DIP2C: variants seen among roughly 807,000 people sequenced by gnomAD.
The protein encoded by DIP2C is disco-interacting protein 2 homolog C.
In DIP2C, 33 loss-of-function variants were observed where a neutral mutation model predicts 192.4. The observed-to-expected ratio is 0.17, with a 90% CI of 0.13 to 0.23. The LOEUF (loss-of-function observed/expected upper bound fraction) is 0.23. Among genes scored for constraint, DIP2C ranks in the 10% least tolerant of loss-of-function variants. The pLI is 1.00. For synonymous variants in DIP2C, 979 were observed against 864.1 expected (o/e 1.13, Z -2.33); for missense variants, 1,537 against 2,110.1 (o/e 0.73, Z 5.32).
intron 4 of DIP2C, 89 bp from the exon 5 acceptor site, chr10:423,122 C>CTGAA: frequency 1.6e-6 from 2 of 1,253,084 alleles, no homozygotes; most frequent in South Asian, 3.0e-5. Flanking sequence ...ATTTACTTCA[C>CTGAA]GTAAGTCTCA....
At chr10:329,644 G>A (rs758207863) in intron 29 of DIP2C, 43 bp from the exon 30 acceptor site, 2 of 435,342 alleles carry the variant, frequency 4.6e-6, no homozygotes, top group South Asian at 6.0e-5. Context: ...GCTCAGCAAG[G>A]CTGGAGCTCA....
intron 25 of DIP2C, 145 bp downstream of exon 25, chr10:349,186 G>A (rs890361629): frequency 4.3e-5 from 51 of 1,189,754 alleles, no homozygotes; most frequent in African/African-American, 1.5e-5. Flanking sequence ...ACACAAACGG[G>A]CTGGTTAGCA....
At chr10:603,104 T>C (rs1240428962) in intron 1 of DIP2C, among the ~76,000 whole-genome samples, 1 of 152,036 alleles carries the variant, frequency 6.6e-6, no homozygotes, top group African/African-American at 2.4e-5. Flanking sequence ...TTATCATATG[T>C]AAGTTCTGGC....
chr10:554,262 T>C (rs563994170), intron 1 of DIP2C, among the ~76,000 whole-genome samples: 2 of 152,106 alleles, frequency 1.3e-5, no homozygotes, highest in African/African-American at 4.8e-5. Context: ...AGAAAAAGTA[T>C]ATGCTTGTAA....
intron 1 of DIP2C, among the ~76,000 whole-genome samples, chr10:505,591 CAGG>C (rs1168328361): frequency 6.6e-6 from 1 of 151,854 alleles, no homozygotes; most frequent in Non-Finnish European, 1.5e-5. Context: ...CCTGACCCCA[CAGG>C]AGATGGGGAC....
chr10:626,107 A>G (rs59939816), intron 1 of DIP2C, among the ~76,000 whole-genome samples: 19,922 of 152,272 alleles, frequency 0.13, 2,132 homozygotes, highest in African/African-American at 0.29. Flanking sequence ...CACTTCGTCC[A>G]TGGACCACGA....
chr10:546,310 TAA>T (rs1459851147), intron 1 of DIP2C, among the ~76,000 whole-genome samples: 1 of 151,836 alleles, frequency 6.6e-6, no homozygotes, highest in Non-Finnish European at 1.5e-5. Flanking sequence ...AAATTTATTT[TAA>T]AATAATAAAG....
chr10:392,565 C>CT (rs1963555856), intron 10 of DIP2C, among the ~76,000 whole-genome samples: 1 of 152,146 alleles, frequency 6.6e-6, no homozygotes, highest in African/African-American at 2.4e-5. Context: ...TGTAGAGTGC[C>CT]CCCCGCGGCC....
At chr10:339,100 C>T (rs1045688529) in intron 29 of DIP2C, among the ~76,000 whole-genome samples, 19 of 152,036 alleles carry the variant, frequency 1.2e-4, no homozygotes, top group African/African-American at 2.7e-4. Context: ...GAGGTCGAGG[C>T]GTCCTCAAAT....
chr10:294,484 G>A (rs187593729), intron 32 of DIP2C, among the ~76,000 whole-genome samples: 74 of 151,894 alleles, frequency 4.9e-4, no homozygotes, highest in African/African-American at 1.7e-3. Flanking sequence ...GTGTGTACCC[G>A]CAGTCCCAAC....
intron 2 of DIP2C, among the ~76,000 whole-genome samples, chr10:479,149 A>G (rs1011441030): frequency 6.6e-6 from 1 of 152,144 alleles, no homozygotes; most frequent in Non-Finnish European, 1.5e-5. Context: ...CACATCGTAA[A>G]ACTTTCTAAA....
In DIP2C at chr10:669,995, T is replaced by G. The variant is rs187977906; in HGVS notation, c.85+19499A>C. On this transcript the variant is annotated intron_variant, in intron 1 of 36. Coordinates refer to ENST00000280886, the MANE Select transcript of DIP2C (RefSeq NM_014974.3). The stretch of plus-strand genomic sequence containing the variant: ...TTTATTAATGATGAGCTACCCATTT[T>G]CTGACTGAGGAAACGGAAAGTTGTC... Among the ~76,000 whole-genome samples, 6 of 152,348 alleles carry G rather than the reference T, an allele frequency of 3.9e-5. No individual in the cohort carries two copies. The East Asian group carries it at 1.2e-3, about 29-fold the overall frequency.
At chr10:670,257 T>C (rs1305671403) in intron 1 of DIP2C, among the ~76,000 whole-genome samples, 1 of 151,686 alleles carries the variant, frequency 6.6e-6, no homozygotes, top group Non-Finnish European at 1.5e-5. Flanking sequence ...CACACGTACA[T>C]GCACATACAC....
chr10:334,296 G>GA, intron 29 of DIP2C, among the ~76,000 whole-genome samples: 1 of 80,040 alleles, frequency 1.2e-5, no homozygotes, highest in Admixed American at 2.2e-4. Flanking sequence ...GACAGAGCAA[G>GA]ACTGTCTCAA....
At chr10:310,631 G>A (rs1176520831) in intron 31 of DIP2C, among the ~76,000 whole-genome samples, 1 of 152,236 alleles carries the variant, frequency 6.6e-6, no homozygotes, top group East Asian at 1.9e-4. Flanking sequence ...CCAAGACACA[G>A]GTCAGGGAAG....
At chr10:351,132 G>A (rs1001335331) in intron 24 of DIP2C, among the ~76,000 whole-genome samples, 5 of 152,214 alleles carry the variant, frequency 3.3e-5, no homozygotes, top group Non-Finnish European at 5.9e-5. Flanking sequence ...GGCGCAGGGA[G>A]AGAGGCCCAG....
At chr10:629,540 C>T (rs1014101971) in intron 1 of DIP2C, among the ~76,000 whole-genome samples, 1 of 152,252 alleles carries the variant, frequency 6.6e-6, no homozygotes, top group South Asian at 2.1e-4. Flanking sequence ...GAAGGAAGCC[C>T]TCACTCTCAG....
intron 1 of DIP2C, among the ~76,000 whole-genome samples, chr10:569,595 A>G (rs1454811952): frequency 1.3e-5 from 2 of 150,128 alleles, no homozygotes; most frequent in Non-Finnish European, 2.9e-5. Context: ...TTTGTTTTAT[A>G]TTCTTTTTTA....
chr10:497,833 A>G (rs1588304011), intron 1 of DIP2C, among the ~76,000 whole-genome samples: 1 of 152,336 alleles, frequency 6.6e-6, no homozygotes, highest in East Asian at 1.9e-4. Context: ...AAAATTAGCT[A>G]TTTTGGAATA....
Sources: gnomAD v4.1 joint callset for allele counts (sites outside exome capture counted in the v4.1 genomes callset) on GRCh38, gnomAD v4.1.1 for gene constraint, MANE v1.5 for transcripts, NCBI Gene and HGNC (gene_info 2026-07-23, HGNC 2026-07-21) for gene names.